The following PDLIM1 variants were observed in gnomAD, a reference collection of about 807,000 sequenced individuals.
PDLIM1 encodes the protein PDZ and LIM domain 1.
PDLIM1 carries 25 observed loss-of-function variants against 35.2 expected under a neutral mutation model. The observed-to-expected ratio is 0.71, with a 90% CI of 0.52 to 0.99. PDLIM1 has a LOEUF of 0.99. Among genes scored for constraint, PDLIM1 ranks in the 50% least tolerant of loss-of-function variants. The pLI, the probability that PDLIM1 is intolerant of heterozygous loss-of-function variation, is 0.00. For missense variants in PDLIM1, 363 were observed against 415.3 expected, an observed-to-expected ratio of 0.87 and a Z score of 1.09; for synonymous variants, 152 against 154.0, an observed-to-expected ratio of 0.99 and a Z score of 0.10.
At chr10:95,248,002 G>C (rs2035237597) in intron 4 of PDLIM1, among the ~76,000 whole-genome samples, 1 of 152,248 alleles carries the variant, frequency 6.6e-6, no homozygotes, top group African/African-American at 2.4e-5. Context: ...GCCAGGCCTT[G>C]TCTTCCCCAC....
chr10:95,286,055 T>G (rs1259489027), intron 1 of PDLIM1, among the ~76,000 whole-genome samples: 2 of 152,222 alleles, frequency 1.3e-5, no homozygotes, highest in African/African-American at 4.8e-5. Flanking sequence ...CATGAGAGAC[T>G]AGGACACTCT....
intron 5 of PDLIM1, among the ~76,000 whole-genome samples, chr10:95,239,919 T>A (rs2035162386): frequency 6.6e-6 from 1 of 152,086 alleles, no homozygotes. Context: ...ATTAGAGAAA[T>A]ACAAATCAAA....
intron 1 of PDLIM1, among the ~76,000 whole-genome samples, chr10:95,289,579 G>A (rs1646996188): frequency 6.6e-6 from 1 of 152,192 alleles, no homozygotes; most frequent in Admixed American, 6.5e-5. Flanking sequence ...AAGTCAAGAG[G>A]AGGCCACCAA....
intron 1 of PDLIM1, among the ~76,000 whole-genome samples, chr10:95,279,276 C>T (rs554117229): frequency 9.3e-4 from 142 of 152,288 alleles, no homozygotes; most frequent in Middle Eastern, 3.4e-3. Flanking sequence ...AAACCCAGTA[C>T]CTGTTACCAT....
intron 1 of PDLIM1, among the ~76,000 whole-genome samples, chr10:95,274,277 T>C (rs1431320810): frequency 1.4e-5 from 2 of 146,242 alleles, no homozygotes; most frequent in East Asian, 3.9e-4. Flanking sequence ...ATCTAAGCTA[T>C]ACCCCCACAG....
chr10:95,242,062 G>A (rs949378486), intron 5 of PDLIM1, among the ~76,000 whole-genome samples: 7 of 152,180 alleles, frequency 4.6e-5, no homozygotes, highest in Admixed American at 3.3e-4. Flanking sequence ...GCTGGGAACC[G>A]ATGCACACAG....
intron 4 of PDLIM1, among the ~76,000 whole-genome samples, chr10:95,250,522 C>T (rs564455921): frequency 2.0e-5 from 3 of 152,136 alleles, no homozygotes; most frequent in African/African-American, 4.8e-5. Flanking sequence ...CACTAGATTA[C>T]AAGGTATTGA....
At chr10:95,259,303 G>A (rs1396318234) in intron 4 of PDLIM1, among the ~76,000 whole-genome samples, 1 of 152,118 alleles carries the variant, frequency 6.6e-6, no homozygotes, top group Non-Finnish European at 1.5e-5. Flanking sequence ...CCCAAATGGT[G>A]GAAGTTAAGT....
rs1418912421 is a variant in PDLIM1 at position 95,290,856 on chromosome 10, G to A, written c.60C>T (p.Gly20=). 3.2e-6 allele frequency: 5 copies of A among 1,564,066 alleles called. No individual in the cohort carries two copies. Among genetic ancestry groups the A allele is most frequent in the African/African-American group, 1.4e-5 (1 of 71,010 alleles). ...GPGPWGFRLV[G]GKDFEQPLAI... is the part of the protein sequence containing the mutation. ...CGAGAGGCTGCTCGAAGTCCTTGCCGCCCACGAGGCGGAAGCCCCACGGCC... is the reference window on the plus strand; with the variant it reads ...CGAGAGGCTGCTCGAAGTCCTTGCCACCCACGAGGCGGAAGCCCCACGGCC... Residue 20 remains glycine (G), a synonymous_variant, in exon 1 of 7, where the codon GGC becomes GGT. Coordinates refer to ENST00000329399, the MANE Select transcript of PDLIM1 (RefSeq NM_020992.4). This position sits in a 1 kb window ranked among gnomAD's most constrained non-coding sequence, Gnocchi z 4.7.
rs146611319 is a variant in PDLIM1, at chr10:95,257,455, CCTA to C, written c.533+6406_533+6408del. 3.2e-3 allele frequency among the ~76,000 whole-genome samples: 488 copies of C among 151,948 alleles called. 15 individuals are homozygous for C. The highest frequency in any genetic ancestry group is 0.028 in the East Asian group (144 of 5,186). ...TATCCAGAATATATAAAAAAAAACT[CCTA>C]CAACTCAACAAAAAACAAATAGCTC... is the stretch of plus-strand genomic sequence containing the variant. On this transcript the variant is annotated intron_variant, in intron 4 of 6. Transcript: ENST00000329399.
chr10:95,259,266 T>G (rs2035342085), intron 4 of PDLIM1, among the ~76,000 whole-genome samples: 1 of 152,154 alleles, frequency 6.6e-6, no homozygotes, highest in Non-Finnish European at 1.5e-5. Context: ...AAAATAAAAA[T>G]TTTAATTAAT....
At chr10:95,289,113 T>A (rs1369603842) in intron 1 of PDLIM1, among the ~76,000 whole-genome samples, 1 of 152,206 alleles carries the variant, frequency 6.6e-6, no homozygotes, top group Non-Finnish European at 1.5e-5. Context: ...AGATTGCCAA[T>A]ACATCCTCCA....
chr10:95,267,281 C>T (rs2034523556), intron 3 of PDLIM1, among the ~76,000 whole-genome samples: 1 of 152,154 alleles, frequency 6.6e-6, no homozygotes, highest in African/African-American at 2.4e-5. Flanking sequence ...ACCTTATTTA[C>T]ATGAAAATGA....
At position 95,237,694 on chromosome 10, in the gene PDLIM1, A is replaced by G. The variant is rs1845011021; in HGVS notation, c.*231T>C. ...GAAGAACGGTGGGGCGAAGGGACAC[A>G]GTGTTGCTGACAAGGTGACACTGAA... On this transcript the variant is annotated 3_prime_UTR_variant, in exon 7 of 7. Transcript: ENST00000329399. 3 of 522,712 alleles carry G rather than the reference A, an allele frequency of 5.7e-6. No individual in the cohort carries two copies. The highest frequency in any genetic ancestry group is 3.3e-5 in the Admixed American group (1 of 30,176). 32.4% of individuals were successfully genotyped at this position (522,712 alleles called of 1,614,324 possible).
At chr10:95,250,819 G>C (rs2035261498) in intron 4 of PDLIM1, among the ~76,000 whole-genome samples, 1 of 152,156 alleles carries the variant, frequency 6.6e-6, no homozygotes, top group Admixed American at 6.5e-5. Context: ...CCTAGTTCTT[G>C]TTTCTCCCTG....
At chr10:95,268,748 G>A (rs1564603570) in intron 3 of PDLIM1, 30 bp downstream of exon 3, 1 of 1,417,234 alleles carries the variant, frequency 7.1e-7, no homozygotes. Context: ...TGGGTGGTGA[G>A]AGCAGCGGCA....
Position 95,247,236 on chromosome 10 carries a change from T to C in PDLIM1, c.664A>G (p.Ile222Val). Residue 222 changes from isoleucine to valine, a missense_variant, in exon 5 of 7, where the codon ATC (isoleucine) becomes GTC (valine). Physicochemically the swap from Ile to Val is conservative, Grantham distance 29. Coordinates refer to ENST00000329399, the MANE Select transcript of PDLIM1 (RefSeq NM_020992.4). The part of the protein sequence containing the change: ...QSTSFLVLQE[I>V]LESEEKGDPN... ...TTACCTTTTTCTTCAGACTCCAGGA[T>C]TTCCTGCAAAACCAAGAAAGACGTG... 1 of 1,613,762 alleles carries C rather than the reference T, an allele frequency of 6.2e-7. No homozygotes were observed. Among genetic ancestry groups the C allele is most frequent in the Non-Finnish European group, 8.5e-7 (1 of 1,179,936 alleles).
intron 3 of PDLIM1, among the ~76,000 whole-genome samples, chr10:95,267,097 T>C (rs1182357497): frequency 6.6e-6 from 1 of 152,202 alleles, no homozygotes; most frequent in Non-Finnish European, 1.5e-5. Context: ...AAGTTTTTCT[T>C]ACAGTAATAA....
Position 95,290,835 on chromosome 10 carries a change from A to G in PDLIM1, c.81T>C (p.Pro27=). 2 of 1,563,104 alleles carry G rather than the reference A, an allele frequency of 1.3e-6. No homozygotes were observed. The highest frequency in any genetic ancestry group is 1.2e-5 in the South Asian group (1 of 86,294). Residue 27 remains proline, a synonymous_variant, in exon 1 of 7, where the codon CCT becomes CCC. Coordinates refer to ENST00000329399, the MANE Select transcript of PDLIM1 (RefSeq NM_020992.4). This position sits in a 1 kb window ranked among gnomAD's most constrained non-coding sequence, Gnocchi z 4.7. ...RLVGGKDFEQ[P]LAISRVTPGS... ...CTGCTCTTACCCGGGAAATGGCGAG[A>G]GGCTGCTCGAAGTCCTTGCCGCCCA...
Sources: gnomAD v4.1 joint callset for allele counts (sites outside exome capture counted in the v4.1 genomes callset) on GRCh38, gnomAD v4.1.1 for gene constraint, Gnocchi (gnomAD v3.1) non-coding constraint, MANE v1.5 for transcripts, NCBI Gene and HGNC (gene_info 2026-07-23, HGNC 2026-07-21) for gene names.